Variants in OSBPL6 observed in about 807,000 individuals in gnomAD.
OSBPL6 encodes oxysterol binding protein like 6, also known as oxysterol-binding protein-related protein 6.
A neutral mutation model predicts 125.8 loss-of-function variants in OSBPL6; 49 were observed. The ratio of observed to expected loss-of-function variants is 0.39; its 90% CI spans 0.31 to 0.49. The LOEUF (loss-of-function observed/expected upper bound fraction) is 0.49, where lower values mean the gene tolerates loss of function less well. Ranked by LOEUF, OSBPL6 falls within the 20% of genes least tolerant of loss-of-function variation. The pLI is 0.88. For synonymous variants in OSBPL6, 394 were observed against 391.8 expected (o/e 1.01, Z -0.07); for missense variants, 986 against 1,135.4 (o/e 0.87, Z 1.89).
rs1694636915 is a variant in OSBPL6, at chr2:178,383,164, A to T, written c.1762A>T (p.Met588Leu). The T allele has an allele frequency of 6.2e-7, 1 of 1,614,044 alleles. No individual in the cohort carries two copies. The highest frequency in any genetic ancestry group is 1.7e-5 in the Admixed American group (1 of 60,000). Residue 588 changes from methionine (M) to leucine (L), a missense_variant, in exon 17 of 25, where the codon ATG (methionine) becomes TTG (leucine). Around this residue, in one of 3 missense-constraint regions of OSBPL6, gnomAD observed 843 missense variants for 997.3 expected, o/e 0.85. Transcript: ENST00000190611. ...TGGTAAAGACCTGTCTAAAGTCTCT[A>T]TGCCTGTGGAGCTAAACGAGCCGCT... is the stretch of plus-strand genomic sequence containing the variant. Reference protein sequence around the residue: ...NIGKDLSKVSMPVELNEPLNT... With the variant: ...NIGKDLSKVSLPVELNEPLNT...
chr2:178,361,672 C>A lies in OSBPL6; in HGVS notation c.1154-10C>A. The A allele has an allele frequency of 6.2e-7, 1 of 1,613,054 alleles. No homozygotes were observed. The highest frequency in any genetic ancestry group is 1.1e-5 in the South Asian group (1 of 90,938). ...TCTGACAGTTTTTTCTCACTTTTCTCCCCACCCAGTGCATTCTCTTTTGAA... is the reference window on the plus strand; with the variant it reads ...TCTGACAGTTTTTTCTCACTTTTCTACCCACCCAGTGCATTCTCTTTTGAA... On this transcript the variant is annotated splice_polypyrimidine_tract_variant and intron_variant, in intron 12 of 24. Coordinates refer to ENST00000190611, the MANE Select transcript of OSBPL6 (RefSeq NM_032523.4).
At chr2:178,364,051 CT>C (rs1692592953) in intron 13 of OSBPL6, among the ~76,000 whole-genome samples, 2 of 152,334 alleles carry the variant, frequency 1.3e-5, no homozygotes, top group African/African-American at 4.8e-5. Context: ...CCACAGCAGC[CT>C]TTGCTTAAGG....
intron 3 of OSBPL6, chr2:178,320,456 G>A (rs1376958303): frequency 2.5e-5 from 39 of 1,536,142 alleles, no homozygotes; most frequent in Non-Finnish European, 3.2e-5. Flanking sequence ...AACTGACCTG[G>A]AAATTAACTT....
intron 1 of OSBPL6, among the ~76,000 whole-genome samples, chr2:178,264,946 G>A (rs1259581647): frequency 6.6e-6 from 1 of 151,856 alleles, no homozygotes; most frequent in Non-Finnish European, 1.5e-5. Flanking sequence ...GTGCAATGGT[G>A]TGGTGTAATC....
intron 1 of OSBPL6, among the ~76,000 whole-genome samples, chr2:178,207,042 TTTTG>T (rs1266000748): frequency 2.0e-5 from 3 of 152,132 alleles, no homozygotes; most frequent in East Asian, 1.9e-4. Flanking sequence ...GTGCTGGGGT[TTTTG>T]TTTGTTTGTT....
chr2:178,382,562 G>A (rs748093893), intron 16 of OSBPL6, 55 bp downstream of exon 16: 13 of 1,609,876 alleles, frequency 8.1e-6, no homozygotes, highest in Middle Eastern at 1.6e-4. Context: ...ATTGCAACAC[G>A]AAGACTTAAT....
chr2:178,200,152 T>C (rs1406547816), intron 1 of OSBPL6, among the ~76,000 whole-genome samples: 4 of 152,170 alleles, frequency 2.6e-5, no homozygotes, highest in East Asian at 3.8e-4. Context: ...TTTTAGTTGC[T>C]TCTTTTTGCT....
chr2:178,357,886 A>G lies in OSBPL6; in HGVS notation c.1154-3796A>G, dbSNP rs1691957927. 2.6e-5 allele frequency among the ~76,000 whole-genome samples: 4 copies of G among 152,248 alleles called. No individual in the cohort carries two copies. The South Asian group carries it at 8.3e-4, about 31-fold the overall frequency. On this transcript the variant is annotated intron_variant, in intron 12 of 24. Coordinates refer to ENST00000190611, the MANE Select transcript of OSBPL6 (RefSeq NM_032523.4). ...TAAGAAAATGTGGCACATATACACC[A>G]TGGAATACTATGCAGCCATAAAAAA...
At chr2:178,293,718 A>G (rs1685483989) in intron 2 of OSBPL6, among the ~76,000 whole-genome samples, 1 of 152,068 alleles carries the variant, frequency 6.6e-6, no homozygotes. Flanking sequence ...GCAATTAAAT[A>G]CTAGGCCCTA....
chr2:178,306,848 T>C (rs577228706), intron 3 of OSBPL6, among the ~76,000 whole-genome samples: 2 of 152,318 alleles, frequency 1.3e-5, no homozygotes, highest in East Asian at 3.9e-4. Flanking sequence ...ATGGTCCCAT[T>C]TGAGCCAGTT....
intron 1 of OSBPL6, among the ~76,000 whole-genome samples, chr2:178,254,159 C>T (rs530754585): frequency 3.9e-5 from 6 of 152,134 alleles, no homozygotes; most frequent in Non-Finnish European, 7.4e-5. Flanking sequence ...TTTGGGAGGC[C>T]GAGGTGGGCG....
At chr2:178,360,092 AAAAG>A (rs1216292217) in intron 12 of OSBPL6, among the ~76,000 whole-genome samples, 2 of 152,176 alleles carry the variant, frequency 1.3e-5, no homozygotes, top group African/African-American at 4.8e-5. Context: ...CTCAAAAAAA[AAAAG>A]AAGCCAGTCC....
chr2:178,281,212 C>T (rs571763024), intron 1 of OSBPL6, among the ~76,000 whole-genome samples: 1 of 152,062 alleles, frequency 6.6e-6, no homozygotes, highest in South Asian at 2.1e-4. Flanking sequence ...AGGGTTTTCC[C>T]ACGTTGGCCA....
intron 22 of OSBPL6, among the ~76,000 whole-genome samples, chr2:178,391,773 C>T (rs1214754926): frequency 4.6e-5 from 7 of 152,178 alleles, no homozygotes; most frequent in African/African-American, 1.7e-4. Context: ...ATCCACATGA[C>T]ATTTATTGTC....
At chr2:178,254,704 C>T (rs1447463000) in intron 1 of OSBPL6, among the ~76,000 whole-genome samples, 1 of 152,172 alleles carries the variant, frequency 6.6e-6, no homozygotes, top group East Asian at 1.9e-4. Context: ...TAGCACCCAG[C>T]TGGAGAACTT....
At chr2:178,267,546 C>CTATATATTATTATATAT (rs1285797676) in intron 1 of OSBPL6, among the ~76,000 whole-genome samples, 1 of 151,886 alleles carries the variant, frequency 6.6e-6, no homozygotes, top group East Asian at 1.9e-4. Context: ...TAAGTATAAG[C>CTATATATTATTATATAT]TATATATTAT....
chr2:178,379,283 GAA>G (rs140162544), intron 15 of OSBPL6, among the ~76,000 whole-genome samples: 132 of 98,260 alleles, frequency 1.3e-3, no homozygotes, highest in East Asian at 0.013. Flanking sequence ...AAGAAAGAAA[GAA>G]AAGAAAGAAA....
At chr2:178,377,774 C>T (rs1461809147) in intron 15 of OSBPL6, among the ~76,000 whole-genome samples, 2 of 152,212 alleles carry the variant, frequency 1.3e-5, no homozygotes, top group African/African-American at 2.4e-5. Context: ...CCTATGCTGG[C>T]TGTCCTATCT....
chr2:178,388,665 G>A (rs895970560), intron 20 of OSBPL6, among the ~76,000 whole-genome samples: 2 of 152,144 alleles, frequency 1.3e-5, no homozygotes, highest in African/African-American at 2.4e-5. Flanking sequence ...CAGGTAGATT[G>A]AAGGACTAAA....
Sources: allele counts gnomAD v4.1 joint callset (sites outside exome capture counted in the v4.1 genomes callset), GRCh38; gene constraint gnomAD v4.1.1; regional missense constraint gnomAD v4.1.1; transcripts MANE v1.5; gene names NCBI Gene and HGNC (gene_info 2026-07-23, HGNC 2026-07-21).